ABI3BP: variants seen among roughly 807,000 people sequenced by gnomAD.
ABI3BP encodes target of Nesh-SH3.
A neutral mutation model predicts 268.6 loss-of-function variants in ABI3BP; 216 were observed. The observed-to-expected ratio is 0.80, with a 90% CI of 0.72 to 0.90. The LOEUF is 0.90. Among genes scored for constraint, ABI3BP ranks in the 40% least tolerant of loss-of-function variants. The pLI is 0.00. For synonymous variants in ABI3BP, 730 were observed against 730.0 expected, an observed-to-expected ratio of 1.00 and a Z score of 0.00; for missense variants, 2,090 against 2,182.4, an observed-to-expected ratio of 0.96 and a Z score of 0.84.
chr3:100,956,456 C>T (rs2076888377), intron 1 of ABI3BP, among the ~76,000 whole-genome samples: 1 of 152,122 alleles, frequency 6.6e-6, no homozygotes, highest in African/African-American at 2.4e-5. Context: ...ATTGTTGGTG[C>T]CAGACCCTCC....
intron 63 of ABI3BP, among the ~76,000 whole-genome samples, chr3:100,755,394 G>A (rs1177976489): frequency 2.0e-5 from 3 of 152,202 alleles, no homozygotes; most frequent in East Asian, 1.9e-4. Context: ...TAGTTGTATC[G>A]CCTGGAACTT....
At chr3:100,873,406 C>A (rs1049789998) in intron 9 of ABI3BP, among the ~76,000 whole-genome samples, 1 of 151,794 alleles carries the variant, frequency 6.6e-6, no homozygotes, top group Admixed American at 6.6e-5. Context: ...TGTCTTTTTT[C>A]CCCCAGTAAG....
At chr3:100,831,296 A>T (rs1453250642) in intron 31 of ABI3BP, among the ~76,000 whole-genome samples, 1 of 151,888 alleles carries the variant, frequency 6.6e-6, no homozygotes, top group Non-Finnish European at 1.5e-5. Context: ...AAGAGAGAGG[A>T]TGAGGAGGAG....
chr3:100,775,952 G>A (rs890907047), intron 59 of ABI3BP, among the ~76,000 whole-genome samples: 10 of 152,180 alleles, frequency 6.6e-5, no homozygotes, highest in Admixed American at 6.5e-5. Flanking sequence ...AGAGCTGTCA[G>A]GAGACTCAGT....
At chr3:100,826,123 T>C (rs1369722538) in intron 34 of ABI3BP, among the ~76,000 whole-genome samples, 1 of 151,708 alleles carries the variant, frequency 6.6e-6, no homozygotes, top group Non-Finnish European at 1.5e-5. Context: ...TGGACTCATA[T>C]GAAAGAGAGA....
rs2095414930 is a variant in ABI3BP, at chr3:100,752,897, G to A, written c.5012C>T (p.Ser1671Leu). 6.2e-7 allele frequency: 1 copy of A among 1,613,508 alleles called. No individual in the cohort carries two copies. Among genetic ancestry groups the A allele is most frequent in the Non-Finnish European group, 8.5e-7 (1 of 1,179,690 alleles). Residue 1671 changes from serine to leucine, a missense_variant, in exon 66 of 68, where the codon TCA becomes TTA. Coordinates refer to ENST00000471714, the MANE Select transcript of ABI3BP (RefSeq NM_001375547.2). The stretch of plus-strand genomic sequence containing the variant: ...GACATATTGTTTGCCCTTACACTCT[G>A]AGTAAGAGTCTGAATTAAAGGGTCT... The part of the protein sequence containing the change: ...TERPFNSDSY[S>L]ECKGKQYVKR...
intron 2 of ABI3BP, among the ~76,000 whole-genome samples, chr3:100,907,846 T>C (rs1312990290): frequency 6.6e-6 from 1 of 152,076 alleles, no homozygotes; most frequent in Non-Finnish European, 1.5e-5. Context: ...CCGGGAGTGG[T>C]AGCTCACGCC....
intron 6 of ABI3BP, among the ~76,000 whole-genome samples, chr3:100,880,565 CTG>C (rs1239617465): frequency 6.6e-6 from 1 of 152,136 alleles, no homozygotes; most frequent in African/African-American, 2.4e-5. Flanking sequence ...TTCTGGGACA[CTG>C]TGGCGAAGCA....
In ABI3BP at chr3:100,846,441, C is replaced by T. The variant is rs561424272; in HGVS notation, c.1654G>A (p.Gly552Ser). 98 of 1,584,702 alleles carry T rather than the reference C, an allele frequency of 6.2e-5. No individual in the cohort carries two copies. The South Asian group carries it at 7.2e-4, about 12-fold the overall frequency. Residue 552 changes from glycine (G) to serine (S), a missense_variant, in exon 20 of 68, where the codon GGT becomes AGT. Transcript: ENST00000471714. ...TTCAGAGAAATAAATTGTGTTTTAC[C>T]GGGAGCTGGAAAAATAAAGAAACAA... ...PEPTWTTPAP[G>S]KTQFISLKPK...
intron 2 of ABI3BP, among the ~76,000 whole-genome samples, chr3:100,913,100 T>C (rs2057356954): frequency 6.6e-6 from 1 of 152,136 alleles, no homozygotes; most frequent in Non-Finnish European, 1.5e-5. Flanking sequence ...TACCAGTAGT[T>C]CTAAGTTTCA....
At chr3:100,894,711 G>A (rs1157323704) in intron 4 of ABI3BP, among the ~76,000 whole-genome samples, 3 of 151,888 alleles carry the variant, frequency 2.0e-5, no homozygotes, top group Admixed American at 2.0e-4. Flanking sequence ...AGGCCAAGGA[G>A]GGCAGATCAC....
Position 100,787,713 on chromosome 3 carries a change from A to C in ABI3BP, c.4162+15T>G. The stretch of plus-strand genomic sequence containing the variant: ...TTTTGACAGGATAAAAAGGAAATAC[A>C]TTTGTGATTATTACCTGTTCCCACT... On this transcript the variant is annotated intron_variant, in intron 57 of 67. Transcript: ENST00000471714. 6.6e-7 allele frequency: 1 copy of C among 1,511,354 alleles called. No homozygotes were observed. The highest frequency in any genetic ancestry group is 8.8e-7 in the Non-Finnish European group (1 of 1,132,688). 93.6% of individuals were successfully genotyped at this position (1,511,354 alleles called of 1,614,324 possible). A position where few individuals can be genotyped will look rare whatever the true frequency, so the allele number is the denominator to read the frequency against.
chr3:100,975,516 C>A (rs898147665), intron 1 of ABI3BP, among the ~76,000 whole-genome samples: 1 of 152,036 alleles, frequency 6.6e-6, no homozygotes, highest in African/African-American at 2.4e-5. Context: ...TCTAGTGGCA[C>A]CCTCCCTGTT....
chr3:100,886,786 A>G (rs1021199091), intron 4 of ABI3BP, among the ~76,000 whole-genome samples: 4 of 151,982 alleles, frequency 2.6e-5, no homozygotes, highest in African/African-American at 9.7e-5. Context: ...TGTAAAAAAA[A>G]GAACCTAAGA....
intron 2 of ABI3BP, among the ~76,000 whole-genome samples, chr3:100,906,732 G>A (rs1367647329): frequency 6.6e-6 from 1 of 152,192 alleles, no homozygotes; most frequent in Admixed American, 6.5e-5. Context: ...GACAGGGACA[G>A]TTTACTGCTT....
rs2095212827 is a variant in ABI3BP at position 100,749,569 on chromosome 3, C to CAA, written c.*924_*925dup. 1 of 357,586 alleles carries CAA rather than the reference C, an allele frequency of 2.8e-6. No individual in the cohort carries two copies. The highest frequency in any genetic ancestry group is 2.2e-5 in the African/African-American group (1 of 45,202). 22.2% of individuals were successfully genotyped at this position (357,586 alleles called of 1,614,324 possible). ...TATTACAGATTGAATTAAACAGTTA[C>CAA]AAAGACATTCTCTGATACATTCATT... is the stretch of plus-strand genomic sequence containing the variant. On this transcript the variant is annotated 3_prime_UTR_variant, in exon 68 of 68. Transcript: ENST00000471714.
At chr3:100,818,723 T>A in intron 40 of ABI3BP, 142 bp from the exon 41 acceptor site, 1 of 720,850 alleles carries the variant, frequency 1.4e-6, no homozygotes, top group Non-Finnish European at 2.3e-6. Context: ...GGCCATCTTA[T>A]AGCCAGATAA....
chr3:100,973,015 AG>A lies in ABI3BP; in HGVS notation c.79+20290del, dbSNP rs1293013507. Among the ~76,000 whole-genome samples the A allele has an allele frequency of 2.0e-5, 3 of 152,256 alleles. No homozygotes were observed. In the East Asian group the frequency reaches 5.8e-4, roughly 29 times the overall value. ...GACTGTAAACAAGTGTCCTTTTCAC[AG>A]TTGACATAGCACCACACCTTTCCCA... On this transcript the variant is annotated intron_variant, in intron 1 of 67. Coordinates refer to ENST00000471714, the MANE Select transcript of ABI3BP (RefSeq NM_001375547.2).
chr3:100,775,089 A>T (rs983775546), intron 60 of ABI3BP, 118 bp downstream of exon 60: 2 of 1,180,422 alleles, frequency 1.7e-6, no homozygotes, highest in Admixed American at 2.9e-5. Flanking sequence ...AACCATATTA[A>T]TCATAAAATG....
Sources: gnomAD v4.1 joint callset for allele counts (sites outside exome capture counted in the v4.1 genomes callset) on GRCh38, gnomAD v4.1.1 for gene constraint, MANE v1.5 for transcripts, NCBI Gene and HGNC (gene_info 2026-07-23, HGNC 2026-07-21) for gene names.